ZNF808: variants seen among roughly 807,000 people sequenced by gnomAD.
ZNF808 encodes zinc finger protein 808.
In ZNF808, 5 loss-of-function variants were observed where a neutral mutation model predicts 8.7. The observed-to-expected ratio is 0.58, with a 90% CI of 0.30 to 1.21. ZNF808 has a LOEUF of 1.21. ZNF808 is among the 50% of genes most tolerant of loss of function. The pLI is 0.07. For synonymous variants in ZNF808, 380 were observed against 366.0 expected, an observed-to-expected ratio of 1.04 and a Z score of -0.44; for missense variants, 1,103 against 1,098.4, an observed-to-expected ratio of 1.00 and a Z score of -0.06.
intron 2 of ZNF808, among the ~76,000 whole-genome samples, chr19:52,533,488 A>G (rs1156325356): frequency 6.6e-6 from 1 of 151,850 alleles, no homozygotes; most frequent in Non-Finnish European, 1.5e-5. Flanking sequence ...GGCCTTCCAA[A>G]GTACTGGGAT....
intron 2 of ZNF808, among the ~76,000 whole-genome samples, chr19:52,540,903 A>G (rs1293251725): frequency 6.6e-6 from 1 of 152,158 alleles, no homozygotes; most frequent in Non-Finnish European, 1.5e-5. Flanking sequence ...ACAACTTGAA[A>G]GAAGTTTCGT....
intron 3 of ZNF808, among the ~76,000 whole-genome samples, chr19:52,546,642 C>CTTTTTTTTTTTT (rs67940309): frequency 1.0e-5 from 1 of 98,800 alleles, no homozygotes; most frequent in African/African-American, 4.0e-5. Context: ...CCTGTGTTTG[C>CTTTTTTTTTTTT]TTTTTTTTTT....
At chr19:52,556,916 C>T (rs1237750253), downstream of ZNF808, among the ~76,000 whole-genome samples, 1 of 152,104 alleles carries the variant, frequency 6.6e-6, no homozygotes, top group Admixed American at 6.6e-5. Context: ...AATGTTGAAA[C>T]ATGGGCTGGA....
chr19:52,555,332 C>G lies in ZNF808; in HGVS notation c.2416C>G (p.Leu806Val), dbSNP rs2059825654. 6.2e-7 allele frequency: 1 copy of G among 1,614,118 alleles called. No homozygotes were observed. Among genetic ancestry groups the G allele is most frequent in the Non-Finnish European group, 8.5e-7 (1 of 1,180,026 alleles). ...CDKAFVRNSY[L>V]ARHIRIHTAE... ...CAAGGCTTTCGTGCGTAATTCATAC[C>G]TGGCAAGACATATTAGAATTCACAC... The change falls in exon 5 of 5, where the codon CTG becomes GTG. Residue 806 changes from leucine to valine, a missense_variant. Transcript: ENST00000359798.
At chr19:52,544,000 A>T (rs1342291201) in intron 3 of ZNF808, among the ~76,000 whole-genome samples, 2 of 152,118 alleles carry the variant, frequency 1.3e-5, no homozygotes, top group African/African-American at 2.4e-5. Context: ...CTCTACTAAA[A>T]ATACAAAAAT....
intron 4 of ZNF808, among the ~76,000 whole-genome samples, chr19:52,552,548 G>T (rs1305647298): frequency 2.0e-5 from 3 of 151,680 alleles, no homozygotes; most frequent in Admixed American, 6.6e-5. Flanking sequence ...AAGTAGCTGT[G>T]ACTACAGGCA....
chr19:52,553,786 AG>A lies in ZNF808; in HGVS notation c.871del (p.Glu291SerfsTer22). The A allele has an allele frequency of 6.2e-7, 1 of 1,614,012 alleles. No individual in the cohort carries two copies. Among genetic ancestry groups the A allele is most frequent in the Non-Finnish European group, 8.5e-7 (1 of 1,179,950 alleles). On this transcript the variant is annotated frameshift_variant, in exon 5 of 5. Transcript: ENST00000359798. LOFTEE classifies it low-confidence loss of function (END_TRUNC). ...HTGEKPYKCK[E>X]CGKSFSYKSS... ...CTGGAGAGAAACCTTACAAGTGTAA[AG>A]AGTGTGGAAAGTCCTTCAGTTACAA...
intron 4 of ZNF808, among the ~76,000 whole-genome samples, chr19:52,549,557 C>T (rs1460536509): frequency 1.3e-5 from 2 of 152,072 alleles, no homozygotes. Context: ...AATATTTAAC[C>T]TTGGGTCAAT....
chr19:52,558,990 G>C (rs752183182), downstream of ZNF808, among the ~76,000 whole-genome samples: 3 of 152,182 alleles, frequency 2.0e-5, no homozygotes, highest in Admixed American at 2.0e-4. Flanking sequence ...AGAACACTGC[G>C]AAAGGCCGCA....
intron 2 of ZNF808, among the ~76,000 whole-genome samples, chr19:52,537,286 T>C (rs1393050727): frequency 6.7e-6 from 1 of 149,212 alleles, no homozygotes; most frequent in Non-Finnish European, 1.5e-5. Flanking sequence ...AGTAGAGGGG[T>C]ACAAAATGAG....
chr19:52,554,515 C>A lies in ZNF808; in HGVS notation c.1599C>A (p.His533Gln), dbSNP rs770105641. 1.2e-5 allele frequency: 20 copies of A among 1,613,968 alleles called. No individual in the cohort carries two copies. The highest frequency in any genetic ancestry group is 1.3e-5 in the African/African-American group (1 of 74,882). Residue 533 changes from histidine (H) to glutamine (Q), a missense_variant, in exon 5 of 5, where the codon CAC becomes CAA. By Grantham distance (24) the His-to-Gln change is conservative. Coordinates refer to ENST00000359798, the MANE Select transcript of ZNF808 (RefSeq NM_001039886.4). Reference sequence around the variant, plus strand: ...CCCTTGTATACCATCGTAGACTTCACACTCTAGAGAAATCTTACAAATGTA... The same window carrying A: ...CCCTTGTATACCATCGTAGACTTCAAACTCTAGAGAAATCTTACAAATGTA... ...RASLVYHRRL[H>Q]TLEKSYKCTV...
downstream of ZNF808, among the ~76,000 whole-genome samples, chr19:52,568,729 A>G (rs1362383801): frequency 6.6e-6 from 1 of 152,200 alleles, no homozygotes; most frequent in Non-Finnish European, 1.5e-5. Context: ...TTTGTGTCCA[A>G]ATAAACTCTA....
chr19:52,534,239 C>T (rs1599952834), intron 2 of ZNF808, among the ~76,000 whole-genome samples: 1 of 152,268 alleles, frequency 6.6e-6, no homozygotes, highest in Middle Eastern at 3.4e-3. Context: ...GGGTTTCTCC[C>T]CCTCCCTCGG....
intron 2 of ZNF808, among the ~76,000 whole-genome samples, chr19:52,533,557 C>T (rs868149003): frequency 3.3e-5 from 5 of 151,382 alleles, no homozygotes; most frequent in Non-Finnish European, 5.9e-5. Context: ...CTTGGGAGCT[C>T]CTTGAAAGGC....
chr19:52,536,978 G>A (rs1318571558), intron 2 of ZNF808, among the ~76,000 whole-genome samples: 1 of 148,444 alleles, frequency 6.7e-6, no homozygotes, highest in African/African-American at 2.5e-5. Flanking sequence ...CCTGAGATCC[G>A]GAGTTCGAGA....
At chr19:52,546,642 CTTTTTTTTTTT>C (rs67940309) in intron 3 of ZNF808, among the ~76,000 whole-genome samples, 4 of 98,800 alleles carry the variant, frequency 4.0e-5, no homozygotes, top group Admixed American at 3.8e-4. Context: ...CCTGTGTTTG[CTTTTTTTTTTT>C]TTTTTTTTTG....
intron 3 of ZNF808, among the ~76,000 whole-genome samples, chr19:52,544,671 G>T (rs1406554096): frequency 6.6e-6 from 1 of 152,106 alleles, no homozygotes; most frequent in Non-Finnish European, 1.5e-5. Flanking sequence ...CTAGGCTGGA[G>T]TGCAGTGGTG....
At chr19:52,541,391 G>C (rs2059669238) in intron 2 of ZNF808, among the ~76,000 whole-genome samples, 2 of 151,924 alleles carry the variant, frequency 1.3e-5, no homozygotes, top group Non-Finnish European at 2.9e-5. Context: ...AAATTTTCTA[G>C]AGGAGGAAGA....
At chr19:52,567,391 G>T (rs1433874031), downstream of ZNF808, among the ~76,000 whole-genome samples, 1 of 149,538 alleles carries the variant, frequency 6.7e-6, no homozygotes, top group Non-Finnish European at 1.5e-5. Context: ...TTTTGAGGTC[G>T]CCCTACTGTG....
Sources: gnomAD v4.1 joint callset for allele counts (sites outside exome capture counted in the v4.1 genomes callset) on GRCh38, gnomAD v4.1.1 for gene constraint, MANE v1.5 for transcripts, NCBI Gene and HGNC (gene_info 2026-07-23, HGNC 2026-07-21) for gene names.